Variants in PDE4B observed in about 807,000 individuals in gnomAD.
The protein encoded by PDE4B is phosphodiesterase 4B, also known as 3',5'-cyclic-AMP phosphodiesterase 4B.
PDE4B carries 20 observed loss-of-function variants against 82.2 expected under a neutral mutation model. The observed-to-expected ratio is 0.24, with a 90% CI of 0.17 to 0.35. The LOEUF (loss-of-function observed/expected upper bound fraction) is 0.35. PDE4B is among the 10% of genes least tolerant of loss of function. PDE4B has a pLI of 1.00. For missense variants in PDE4B, 655 were observed against 907.2 expected, an observed-to-expected ratio of 0.72 and a Z score of 3.57; for synonymous variants, 320 against 318.9, an observed-to-expected ratio of 1.00 and a Z score of -0.04.
chr1:66,157,601 T>G (rs994232957), intron 3 of PDE4B, among the ~76,000 whole-genome samples: 3 of 152,196 alleles, frequency 2.0e-5, no homozygotes, highest in African/African-American at 7.2e-5. Context: ...TAATCTCTCT[T>G]CCTCATCCTA....
At chr1:66,364,650 G>T (rs1663092265) in intron 12 of PDE4B, among the ~76,000 whole-genome samples, 1 of 152,192 alleles carries the variant, frequency 6.6e-6, no homozygotes, top group Non-Finnish European at 1.5e-5. Flanking sequence ...AGAAATCCAA[G>T]AAATCTTGAG....
intron 4 of PDE4B, among the ~76,000 whole-genome samples, chr1:66,255,026 C>CTCTTT (rs533153528): frequency 1.5e-4 from 23 of 151,746 alleles, no homozygotes; most frequent in South Asian, 4.2e-4. Context: ...CTTTTCTTTT[C>CTCTTT]TCTTTTCTTT....
intron 3 of PDE4B, among the ~76,000 whole-genome samples, chr1:66,202,415 T>G (rs1316997746): frequency 1.3e-5 from 2 of 152,184 alleles, no homozygotes; most frequent in Admixed American, 6.5e-5. Flanking sequence ...TAACTTTCTG[T>G]CTCGTTGATC....
chr1:66,361,870 T>C, intron 10 of PDE4B, 77 bp downstream of exon 10: 4 of 1,148,694 alleles, frequency 3.5e-6, no homozygotes, highest in South Asian at 1.7e-5. Flanking sequence ...TTTTAGAAAA[T>C]AGTATGGATT....
chr1:65,894,784 C>T (rs182803865), intron 1 of PDE4B, among the ~76,000 whole-genome samples: 1 of 152,140 alleles, frequency 6.6e-6, no homozygotes, highest in Admixed American at 6.6e-5. Context: ...ATTGTTAGTT[C>T]TTAGGGAAAT....
At chr1:66,289,632 G>A (rs1236922344) in intron 7 of PDE4B, among the ~76,000 whole-genome samples, 3 of 151,974 alleles carry the variant, frequency 2.0e-5, no homozygotes, top group East Asian at 1.9e-4. Flanking sequence ...GATCTTGTAG[G>A]TGGTGGTAAG....
At chr1:66,180,647 G>T (rs954611615) in intron 3 of PDE4B, among the ~76,000 whole-genome samples, 3 of 152,172 alleles carry the variant, frequency 2.0e-5, no homozygotes, top group African/African-American at 7.2e-5. Context: ...GTAACAACTT[G>T]GGCAGCTATT....
intron 3 of PDE4B, among the ~76,000 whole-genome samples, chr1:66,054,436 G>A (rs900062840): frequency 2.0e-5 from 3 of 152,268 alleles, no homozygotes; most frequent in Admixed American, 6.5e-5. Context: ...AGCTCCAAAA[G>A]TTTTCTCATG....
intron 4 of PDE4B, among the ~76,000 whole-genome samples, chr1:66,255,203 G>A (rs1014526355): frequency 1.2e-4 from 18 of 152,048 alleles, no homozygotes; most frequent in African/African-American, 3.4e-4. Flanking sequence ...TCCTGCCTCA[G>A]CCTCCCAAGT....
At chr1:66,173,096 A>G (rs1422948684) in intron 3 of PDE4B, among the ~76,000 whole-genome samples, 1 of 152,128 alleles carries the variant, frequency 6.6e-6, no homozygotes, top group South Asian at 2.1e-4. Context: ...ATTGGGGGTA[A>G]AGGAGGTGAC....
chr1:66,355,403 A>T, intron 8 of PDE4B, 124 bp from the exon 9 acceptor site: 1 of 499,360 alleles, frequency 2.0e-6, no homozygotes, highest in Non-Finnish European at 3.6e-6. Flanking sequence ...TAGAAACAGT[A>T]TTATTTATCT....
intron 3 of PDE4B, among the ~76,000 whole-genome samples, chr1:66,197,753 A>C (rs1648455005): frequency 6.6e-6 from 1 of 152,182 alleles, no homozygotes; most frequent in Admixed American, 6.6e-5. Flanking sequence ...AGGCAAACAA[A>C]AAATGCATAG....
rs562840986 is a variant in PDE4B at position 66,229,347 on chromosome 1, A to G, written c.282-18113A>G. On this transcript the variant is annotated intron_variant, in intron 3 of 16. Transcript: ENST00000341517. Reference sequence around the variant, plus strand: ...TACCTGCATCTCATTGGCCAGAACTATGCCACTTGGACACTCTCAGCCTCA... The same window carrying G: ...TACCTGCATCTCATTGGCCAGAACTGTGCCACTTGGACACTCTCAGCCTCA... Among the ~76,000 whole-genome samples the G allele has an allele frequency of 3.9e-5, 6 of 152,248 alleles. No individual in the cohort carries two copies. The East Asian group carries it at 1.2e-3, about 29-fold the overall frequency.
intron 1 of PDE4B, among the ~76,000 whole-genome samples, chr1:65,815,803 G>A (rs1217569503): frequency 2.6e-5 from 4 of 151,986 alleles, no homozygotes; most frequent in Non-Finnish European, 5.9e-5. Context: ...AAAGAATATT[G>A]GACAAAGTAT....
At chr1:65,868,734 G>T (rs1212149632) in intron 1 of PDE4B, among the ~76,000 whole-genome samples, 1 of 152,208 alleles carries the variant, frequency 6.6e-6, no homozygotes, top group Non-Finnish European at 1.5e-5. Context: ...GTGAGCTGTG[G>T]CTGAGCCAGC....
chr1:66,208,342 T>C (rs1649734837), intron 3 of PDE4B, among the ~76,000 whole-genome samples: 1 of 152,162 alleles, frequency 6.6e-6, no homozygotes, highest in Non-Finnish European at 1.5e-5. Context: ...TGGCAAACAA[T>C]GGGAATGAAG....
At chr1:66,361,085 T>C (rs1662724989) in intron 9 of PDE4B, among the ~76,000 whole-genome samples, 1 of 152,204 alleles carries the variant, frequency 6.6e-6, no homozygotes, top group Non-Finnish European at 1.5e-5. Flanking sequence ...ATATACTGCT[T>C]ATTTAAACTG....
chr1:66,037,937 A>G, intron 3 of PDE4B, among the ~76,000 whole-genome samples: 1 of 152,182 alleles, frequency 6.6e-6, no homozygotes, highest in East Asian at 1.9e-4. Context: ...ATTGTATGAT[A>G]AATTAGAAAT....
intron 1 of PDE4B, among the ~76,000 whole-genome samples, chr1:65,895,317 A>G (rs1485732596): frequency 1.3e-5 from 2 of 152,104 alleles, no homozygotes; most frequent in African/African-American, 4.8e-5. Flanking sequence ...TGGGGGGCCG[A>G]AACAGGTGAA....
Sources: gnomAD v4.1 joint callset for allele counts (sites outside exome capture counted in the v4.1 genomes callset) on GRCh38, gnomAD v4.1.1 for gene constraint, MANE v1.5 for transcripts, NCBI Gene and HGNC (gene_info 2026-07-23, HGNC 2026-07-21) for gene names.